Variants in NEGR1 observed in about 807,000 individuals in gnomAD.
NEGR1 encodes neuronal growth regulator 1, also known as IgLON family member 4.
Under a neutral mutation model 40.9 loss-of-function variants are expected in NEGR1, and 10 were observed. The observed-to-expected ratio is 0.24, with a 90% CI of 0.15 to 0.42. The LOEUF (loss-of-function observed/expected upper bound fraction) is 0.42, where lower values mean the gene tolerates loss of function less well. NEGR1 is among the 10% of genes least tolerant of loss of function. The pLI is 1.00. For synonymous variants in NEGR1, 185 were observed against 166.8 expected (o/e 1.11, Z -0.84); for missense variants, 352 against 438.9 (o/e 0.80, Z 1.77).
At chr1:71,895,045 C>T (rs562823436) in intron 2 of NEGR1, among the ~76,000 whole-genome samples, 1 of 152,224 alleles carries the variant, frequency 6.6e-6, no homozygotes, top group East Asian at 1.9e-4. Flanking sequence ...TCGCATGATT[C>T]TATTGTTAAC....
intron 6 of NEGR1, among the ~76,000 whole-genome samples, chr1:71,427,937 G>T (rs1255523896): frequency 1.3e-5 from 2 of 152,038 alleles, no homozygotes; most frequent in South Asian, 2.1e-4. Context: ...AATAATGAGA[G>T]ATGTGCTCAA....
intron 2 of NEGR1, among the ~76,000 whole-genome samples, chr1:71,906,412 T>A (rs141219304): frequency 2.3e-4 from 35 of 151,204 alleles, no homozygotes; most frequent in African/African-American, 8.5e-4. Context: ...AAAATACAAT[T>A]TAAAAAATAA....
At chr1:71,995,359 A>G (rs1937186) in intron 1 of NEGR1, among the ~76,000 whole-genome samples, 36,075 of 151,934 alleles carry the variant, frequency 0.24, 4,779 homozygotes, top group African/African-American at 0.34. Flanking sequence ...AAACGGTTCT[A>G]TGTATTTTGA....
At chr1:72,156,101 C>A (rs1261627528) in intron 1 of NEGR1, among the ~76,000 whole-genome samples, 2 of 150,782 alleles carry the variant, frequency 1.3e-5, no homozygotes, top group Non-Finnish European at 1.5e-5. Flanking sequence ...TAACATGATT[C>A]TTCTGGAAGA....
intron 1 of NEGR1, among the ~76,000 whole-genome samples, chr1:72,145,991 A>G (rs1322446684): frequency 2.4e-5 from 3 of 124,262 alleles, no homozygotes; most frequent in African/African-American, 9.3e-5. Context: ...GCATTCTCAG[A>G]GTTTCCTCTG....
Position 71,576,168 on chromosome 1 carries a change from G to A in NEGR1, c.940+16649C>T, listed in dbSNP as rs183526358. Among the ~76,000 whole-genome samples, 374 of 152,266 alleles carry A rather than the reference G, an allele frequency of 2.5e-3. 1 individual carries two copies. Among genetic ancestry groups the A allele is most frequent in the Middle Eastern group, 6.8e-3 (2 of 294 alleles). On this transcript the variant is annotated intron_variant, in intron 6 of 6. Transcript: ENST00000357731. ...GTGGCTGCCCATAGAGTTATCTAAG[G>A]AACATACTATACTGCTGGAAAAGTG...
At chr1:71,523,994 A>AT (rs574831090) in intron 6 of NEGR1, among the ~76,000 whole-genome samples, 48 of 151,572 alleles carry the variant, frequency 3.2e-4, no homozygotes, top group Middle Eastern at 3.4e-3. Context: ...CATTTAAACA[A>AT]TTTTTTTTCA....
intron 2 of NEGR1, among the ~76,000 whole-genome samples, chr1:71,837,541 A>G (rs1659083666): frequency 6.6e-6 from 1 of 152,200 alleles, no homozygotes; most frequent in East Asian, 1.9e-4. Flanking sequence ...GCATTCAGTC[A>G]CGTTTGTTGC....
intron 6 of NEGR1, chr1:71,468,351 T>G (rs1646759806): frequency 6.6e-6 from 1 of 152,004 alleles, no homozygotes; most frequent in Non-Finnish European, 1.5e-5. Flanking sequence ...AAATATATTT[T>G]TTTAGACCTT....
chr1:71,969,314 C>T (rs1646237094), intron 1 of NEGR1, among the ~76,000 whole-genome samples: 1 of 152,180 alleles, frequency 6.6e-6, no homozygotes, highest in South Asian at 2.1e-4. Context: ...CATGCCCAGC[C>T]TAACCCCTAC....
intron 1 of NEGR1, among the ~76,000 whole-genome samples, chr1:72,270,356 A>C (rs531421959): frequency 6.6e-6 from 1 of 151,980 alleles, no homozygotes; most frequent in East Asian, 1.9e-4. Context: ...CATAATTCCG[A>C]GCTTTTATTC....
At chr1:71,867,612 T>C (rs1660156648) in intron 2 of NEGR1, among the ~76,000 whole-genome samples, 1 of 152,172 alleles carries the variant, frequency 6.6e-6, no homozygotes, top group South Asian at 2.1e-4. Context: ...ACTGTTATGA[T>C]TAGAATTGCC....
chr1:71,688,377 C>CT (rs1570208861), intron 4 of NEGR1, among the ~76,000 whole-genome samples: 1 of 71,086 alleles, frequency 1.4e-5, no homozygotes, highest in African/African-American at 5.5e-5. Context: ...GAGATATATA[C>CT]ATAAAAGATA....
At chr1:72,091,053 T>G (rs1648469813) in intron 1 of NEGR1, among the ~76,000 whole-genome samples, 1 of 152,122 alleles carries the variant, frequency 6.6e-6, no homozygotes, top group Non-Finnish European at 1.5e-5. Flanking sequence ...TTTTTCAAAT[T>G]TATTAGACAA....
At chr1:72,275,269 T>TC (rs2100564391) in intron 1 of NEGR1, 1 of 538,814 alleles carries the variant, frequency 1.9e-6, no homozygotes, top group Non-Finnish European at 3.3e-6. Context: ...CACATTTTTT[T>TC]CTGTAATAGA....
intron 2 of NEGR1, among the ~76,000 whole-genome samples, chr1:71,851,464 G>A (rs867585005): frequency 2.6e-5 from 4 of 152,068 alleles, no homozygotes; most frequent in African/African-American, 9.7e-5. Flanking sequence ...GTTATGCATA[G>A]CACAATCGTT....
At chr1:71,767,131 T>C (rs1297094737) in intron 3 of NEGR1, among the ~76,000 whole-genome samples, 3 of 152,142 alleles carry the variant, frequency 2.0e-5, no homozygotes, top group African/African-American at 7.2e-5. Context: ...TAAAGATACC[T>C]GAAAATGTAG....
intron 2 of NEGR1, among the ~76,000 whole-genome samples, chr1:71,903,581 A>T (rs182667337): frequency 6.6e-6 from 1 of 152,116 alleles, no homozygotes; most frequent in East Asian, 1.9e-4. Flanking sequence ...ACATTTAATC[A>T]TGTGACAACA....
chr1:71,595,368 C>A (rs1013917276), intron 5 of NEGR1, among the ~76,000 whole-genome samples: 3 of 152,214 alleles, frequency 2.0e-5, no homozygotes, highest in Non-Finnish European at 4.4e-5. Context: ...AGCTTACTTT[C>A]TTCTGCAGTT....
Sources: gnomAD v4.1 joint callset for allele counts (sites outside exome capture counted in the v4.1 genomes callset) on GRCh38, gnomAD v4.1.1 for gene constraint, MANE v1.5 for transcripts, NCBI Gene and HGNC (gene_info 2026-07-23, HGNC 2026-07-21) for gene names.